The following CSTL1 variants were observed in gnomAD, a reference collection of about 807,000 sequenced individuals.
CSTL1 encodes cystatin like 1, also known as cystatin-like 1.
Under a neutral mutation model 14.4 loss-of-function variants are expected in CSTL1, and 14 were observed. The observed-to-expected ratio is 0.97, with a 90% CI of 0.64 to 1.52. The LOEUF is 1.52. Among genes scored for constraint, CSTL1 ranks in the 40% most tolerant of loss-of-function variants. CSTL1 has a pLI of 0.00. For synonymous variants in CSTL1, 72 were observed against 67.5 expected (o/e 1.07, Z -0.33); for missense variants, 170 against 168.7 (o/e 1.01, Z -0.04).
chr20:23,447,098 C>A (rs1473885830), downstream of CSTL1, among the ~76,000 whole-genome samples: 1 of 152,206 alleles, frequency 6.6e-6, no homozygotes, highest in Non-Finnish European at 1.5e-5. Context: ...ATCATCATGA[C>A]CACCCTACGA....
the CSTL1 span, chr20:23,459,150 T>G: frequency 6.6e-6 from 1 of 152,288 alleles, no homozygotes; most frequent in African/African-American, 2.4e-5. Context: ...CTGCCCAGGC[T>G]AACACGGATG....
Position 23,440,427 on chromosome 20 carries a change from A to G in CSTL1, c.160A>G (p.Asn54Asp), listed in dbSNP as rs1441790913. The change falls in exon 2 of 4, where the codon AAT becomes GAT. Residue 54 changes from asparagine (N) to aspartate (D), a missense_variant. By Grantham distance (23) the Asn-to-Asp change is conservative. Coordinates refer to ENST00000347397, the MANE Select transcript of CSTL1 (RefSeq NM_138283.1). Reference protein sequence around the residue: ...TLNFFIQSYNNASNDTYLYRV... With the variant: ...TLNFFIQSYNDASNDTYLYRV... ...CAACTTCTTCATTCAATCCTACAACAATGCCAGCAACGACACCTACTTATA... is the reference window on the plus strand; with the variant it reads ...CAACTTCTTCATTCAATCCTACAACGATGCCAGCAACGACACCTACTTATA... 8 of 1,614,190 alleles carry G rather than the reference A, an allele frequency of 5.0e-6. No individual in the cohort carries two copies. The highest frequency in any genetic ancestry group is 6.8e-6 in the Non-Finnish European group (8 of 1,180,032).
the CSTL1 span, chr20:23,458,498 T>A: frequency 6.6e-6 from 1 of 152,244 alleles, no homozygotes; most frequent in East Asian, 1.9e-4. Context: ...TCTCCTTGCA[T>A]GCTGATTCTC....
the CSTL1 span, chr20:23,452,775 A>G: frequency 6.2e-7 from 1 of 1,614,188 alleles, no homozygotes; most frequent in Non-Finnish European, 8.5e-7. Flanking sequence ...AGAATGGCCA[A>G]CAGGAGCTGT....
the CSTL1 span, among the ~76,000 whole-genome samples, chr20:23,454,065 C>T: frequency 6.6e-5 from 10 of 151,462 alleles, no homozygotes; most frequent in East Asian, 1.9e-4. Flanking sequence ...ACACACATAC[C>T]GCCACACATG....
intron 3 of CSTL1, 109 bp from the exon 4 acceptor site, chr20:23,444,662 G>C: frequency 1.4e-6 from 1 of 697,030 alleles, no homozygotes; most frequent in South Asian, 1.7e-5. Flanking sequence ...TCCCCTCTCT[G>C]CCCATGGGGT....
the CSTL1 span, chr20:23,452,553 C>A: frequency 7.0e-7 from 1 of 1,424,006 alleles, no homozygotes; most frequent in East Asian, 2.3e-5. Context: ...GCGTATCAGG[C>A]CTGGGGAGAG....
At chr20:23,449,614 C>G (rs1223111155), downstream of CSTL1, among the ~76,000 whole-genome samples, 1 of 152,104 alleles carries the variant, frequency 6.6e-6, no homozygotes, top group Non-Finnish European at 1.5e-5. Flanking sequence ...GGGGTAAGCC[C>G]GGTGACATCA....
downstream of CSTL1, among the ~76,000 whole-genome samples, chr20:23,448,397 G>A (rs1018108124): frequency 2.0e-5 from 3 of 152,188 alleles, no homozygotes; most frequent in Non-Finnish European, 4.4e-5. Flanking sequence ...AGAGCTCTCC[G>A]GCGATGGAGC....
chr20:23,456,987 A>G, the CSTL1 span, among the ~76,000 whole-genome samples: 3,966 of 152,278 alleles, frequency 0.026, 159 homozygotes, highest in African/African-American at 0.091. Flanking sequence ...TCACATCTGC[A>G]AAGTCACTTT....
At chr20:23,440,772 T>C in intron 2 of CSTL1, 2 of 408,344 alleles carry the variant, frequency 4.9e-6, no homozygotes, top group South Asian at 4.0e-5. Context: ...TTTTTTTTTT[T>C]TGAGATGGAG....
chr20:23,442,163 CA>C (rs1986850048), intron 2 of CSTL1: 1 of 152,398 alleles, frequency 6.6e-6, no homozygotes, highest in Non-Finnish European at 1.5e-5. Context: ...GCAGACAGAG[CA>C]GGCGTGCCTC....
At chr20:23,446,981 C>T (rs948164906), downstream of CSTL1, among the ~76,000 whole-genome samples, 1 of 152,178 alleles carries the variant, frequency 6.6e-6, no homozygotes, top group Non-Finnish European at 1.5e-5. Context: ...TCCCCACAAA[C>T]GTCACAAAAA....
At chr20:23,458,098 C>T in the CSTL1 span, among the ~76,000 whole-genome samples, 1 of 152,172 alleles carries the variant, frequency 6.6e-6, no homozygotes, top group Non-Finnish European at 1.5e-5. Context: ...AATATTGTAG[C>T]ATGTTTATAT....
At chr20:23,440,652 C>T (rs1568634842) in intron 2 of CSTL1, 166 bp downstream of exon 2, 3 of 712,024 alleles carry the variant, frequency 4.2e-6, no homozygotes, top group South Asian at 2.9e-5. Flanking sequence ...TTGTTCAGAT[C>T]CCAGAATGTC....
At chr20:23,448,861 A>G (rs117265119), downstream of CSTL1, among the ~76,000 whole-genome samples, 502 of 152,286 alleles carry the variant, frequency 3.3e-3, 7 homozygotes, top group East Asian at 0.035. Flanking sequence ...GCACTGTGTT[A>G]AGCAATTTAT....
At chr20:23,449,381 T>C (rs1987028115), downstream of CSTL1, among the ~76,000 whole-genome samples, 1 of 152,140 alleles carries the variant, frequency 6.6e-6, no homozygotes, top group African/African-American at 2.4e-5. Context: ...AAATGAATGC[T>C]GTAATGCCGT....
chr20:23,451,312 G>A, the CSTL1 span, among the ~76,000 whole-genome samples: 4 of 152,118 alleles, frequency 2.6e-5, no homozygotes, highest in Non-Finnish European at 4.4e-5. Context: ...TCCCAGCAGA[G>A]CACACGCATG....
chr20:23,453,361 T>C, the CSTL1 span, among the ~76,000 whole-genome samples: 1 of 151,102 alleles, frequency 6.6e-6, no homozygotes, highest in African/African-American at 2.4e-5. Context: ...GGAGGGAGAG[T>C]CAACTCTGAC....
Sources: gnomAD v4.1 joint callset for allele counts (sites outside exome capture counted in the v4.1 genomes callset) on GRCh38, gnomAD v4.1.1 for gene constraint, MANE v1.5 for transcripts, NCBI Gene and HGNC (gene_info 2026-07-23, HGNC 2026-07-21) for gene names.